Variants in KCNAB2 observed in about 807,000 individuals in gnomAD.
KCNAB2 encodes the protein potassium voltage-gated channel subfamily A regulatory beta subunit 2.
KCNAB2 carries 29 observed loss-of-function variants against 63.6 expected under a neutral mutation model. That is an observed-to-expected ratio of 0.46 (90% CI 0.34 to 0.62). KCNAB2 has a LOEUF of 0.62. Ranked by LOEUF, KCNAB2 falls within the 20% of genes least tolerant of loss-of-function variation. The probability of loss-of-function intolerance (pLI) is 0.01; values close to 1 mark genes in which losing one functional copy is unlikely to be tolerated. For synonymous variants in KCNAB2, 222 were observed against 224.2 expected (o/e 0.99, Z 0.09); for missense variants, 359 against 563.9 (o/e 0.64, Z 3.68).
intron 5 of KCNAB2, among the ~76,000 whole-genome samples, chr1:6,082,869 C>T (rs11583918): frequency 0.045 from 6,906 of 152,318 alleles, 203 homozygotes; most frequent in Non-Finnish European, 0.069. Flanking sequence ...CCTTCTGCCC[C>T]CCTCCTGCCT....
chr1:6,040,657 C>T, intron 2 of KCNAB2: 2 of 1,573,510 alleles, frequency 1.3e-6, no homozygotes, highest in Non-Finnish European at 1.7e-6. Flanking sequence ...TGACCCCCTG[C>T]CCCCTCACCC....
At position 6,046,055 on chromosome 1, in the gene KCNAB2, T is replaced by C; in HGVS notation, c.-155T>C. On this transcript the variant is annotated 5_prime_UTR_variant, in exon 1 of 16. Coordinates refer to ENST00000378083, the MANE Select transcript of KCNAB2 (RefSeq NM_001199862.2). ...TGGTGGGACTCATCTCATTCACCAA[T>C]TGCTTCTGACGTCCTGCAGTGACAC... 1.0e-6 allele frequency: 1 copy of C among 985,428 alleles called. No homozygotes were observed. The highest frequency in any genetic ancestry group is 1.2e-6 in the Non-Finnish European group (1 of 829,926). The allele number at this position is 985,428 out of a possible 1,614,324, so 61.0% of individuals were successfully genotyped here.
intron 1 of KCNAB2, among the ~76,000 whole-genome samples, chr1:5,996,644 G>T (rs1656955815): frequency 6.6e-6 from 1 of 152,250 alleles, no homozygotes; most frequent in Non-Finnish European, 1.5e-5. Context: ...AGAGCTAACT[G>T]CTTTGACGCC....
chr1:6,013,723 C>T (rs1401611628), intron 1 of KCNAB2, among the ~76,000 whole-genome samples: 1 of 152,136 alleles, frequency 6.6e-6, no homozygotes, highest in Non-Finnish European at 1.5e-5. Flanking sequence ...CCACTGGTCA[C>T]CTCTGTCTCC....
rs1203499171 is a variant in KCNAB2, at chr1:6,098,851, G to C, written c.*277G>C. The C allele has an allele frequency of 3.1e-6, 1 of 326,924 alleles. No individual in the cohort carries two copies. Among genetic ancestry groups the C allele is most frequent in the Non-Finnish European group, 5.6e-6 (1 of 178,202 alleles). The allele number at this position is 326,924 out of a possible 1,614,324, so 20.3% of individuals were successfully genotyped here. A position where few individuals can be genotyped will look rare whatever the true frequency, so the allele number is the denominator to read the frequency against. On this transcript the variant is annotated 3_prime_UTR_variant, in exon 16 of 16. Transcript: ENST00000378083. ...CCTGTCACCTCTGCTCATCCTCCAA[G>C]ACCACCCAGCTTTCTCCCAGCCACA...
At chr1:6,054,284 A>G (rs1229940995) in intron 2 of KCNAB2, among the ~76,000 whole-genome samples, 1 of 152,156 alleles carries the variant, frequency 6.6e-6, no homozygotes, top group Non-Finnish European at 1.5e-5. Context: ...GGTTCCTGGC[A>G]TCTTGAACAA....
rs1663002483 is a variant in KCNAB2, at chr1:6,069,259, G to A, written c.219-3496G>A. Reference sequence around the variant, plus strand: ...TCCGCAACCAGCTAGCCAAGGCCACGGTGCTTGCCCTTCACCTGATCACAG... The same window carrying A: ...TCCGCAACCAGCTAGCCAAGGCCACAGTGCTTGCCCTTCACCTGATCACAG... On this transcript the variant is annotated intron_variant, in intron 2 of 15. Coordinates refer to ENST00000378083, the MANE Select transcript of KCNAB2 (RefSeq NM_001199862.2). The surrounding 1 kb of genome is among the most constrained non-coding windows in gnomAD (Gnocchi z 5.4). Among the ~76,000 whole-genome samples the A allele has an allele frequency of 1.3e-5, 2 of 152,190 alleles. No homozygotes were observed. Among genetic ancestry groups the A allele is most frequent in the South Asian group, 2.1e-4 (1 of 4,832 alleles).
intron 2 of KCNAB2, among the ~76,000 whole-genome samples, chr1:6,059,585 C>A (rs912099743): frequency 6.6e-6 from 1 of 152,170 alleles, no homozygotes; most frequent in Admixed American, 6.5e-5. Flanking sequence ...GGGAGCACCA[C>A]CCATGTGCTG....
chr1:6,078,140 G>A lies in KCNAB2; in HGVS notation c.301-4055G>A, dbSNP rs919001689. ...CTTCCCAGCCTCTTCAGCGTCTGGC[G>A]CTGCTGGCCTTCCTTGGCCTGTGCC... On this transcript the variant is annotated intron_variant, in intron 4 of 15. Coordinates refer to ENST00000378083, the MANE Select transcript of KCNAB2 (RefSeq NM_001199862.2). The surrounding 1 kb of genome is among the most constrained non-coding windows in gnomAD (Gnocchi z 4.2). 1.7e-4 allele frequency among the ~76,000 whole-genome samples: 26 copies of A among 152,170 alleles called. No individual in the cohort carries two copies. The highest frequency in any genetic ancestry group is 9.8e-4 in the Admixed American group (15 of 15,276).
In KCNAB2 at chr1:6,078,402, A is replaced by G. The variant is rs1485371072; in HGVS notation, c.301-3793A>G. ...GACGTGATACCTTTGGAGAACCATT[A>G]TTTAGTTGACTGCAGAGAAGAAAGT... On this transcript the variant is annotated intron_variant, in intron 4 of 15. Transcript: ENST00000378083. The surrounding 1 kb of genome is among the most constrained non-coding windows in gnomAD (Gnocchi z 4.2). 1.3e-5 allele frequency among the ~76,000 whole-genome samples: 2 copies of G among 149,968 alleles called. No individual in the cohort carries two copies. Among genetic ancestry groups the G allele is most frequent in the Non-Finnish European group, 3.0e-5 (2 of 67,722 alleles).
At chr1:6,063,463 G>A (rs1405385887) in intron 2 of KCNAB2, among the ~76,000 whole-genome samples, 1 of 148,290 alleles carries the variant, frequency 6.7e-6, no homozygotes, top group Non-Finnish European at 1.5e-5. Flanking sequence ...AGGCTGGAGT[G>A]CAGTGGCATG....
At chr1:6,017,360 G>A (rs962635387) in intron 1 of KCNAB2, among the ~76,000 whole-genome samples, 2 of 151,832 alleles carry the variant, frequency 1.3e-5, no homozygotes, top group Non-Finnish European at 2.9e-5. Context: ...CTCCCATCTC[G>A]GCCTCCCAGG....
At chr1:5,996,997 C>T (rs1282521964) in intron 1 of KCNAB2, among the ~76,000 whole-genome samples, 1 of 152,228 alleles carries the variant, frequency 6.6e-6, no homozygotes, top group South Asian at 2.1e-4. Flanking sequence ...CTCTCTGAGT[C>T]TCTGGCTCTC....
At chr1:6,022,097 G>A (rs114074595) in intron 1 of KCNAB2, among the ~76,000 whole-genome samples, 3,078 of 152,110 alleles carry the variant, frequency 0.02, 113 homozygotes, top group South Asian at 0.019. Context: ...CAGTTCAGTG[G>A]TATTAGGTGT....
intron 1 of KCNAB2, among the ~76,000 whole-genome samples, chr1:5,996,716 A>G (rs1442173435): frequency 6.6e-6 from 1 of 152,192 alleles, no homozygotes; most frequent in East Asian, 1.9e-4. Flanking sequence ...GGTGGGGACC[A>G]CCTTCCTGGC....
At chr1:6,085,502 C>G (rs540985324) in intron 6 of KCNAB2, among the ~76,000 whole-genome samples, 2 of 152,168 alleles carry the variant, frequency 1.3e-5, no homozygotes, top group Non-Finnish European at 2.9e-5. Context: ...CCCAACTCAT[C>G]CACAGAGACC....
intron 5 of KCNAB2, among the ~76,000 whole-genome samples, chr1:6,085,000 G>A (rs1383405545): frequency 1.3e-5 from 2 of 152,156 alleles, no homozygotes; most frequent in African/African-American, 2.4e-5. Flanking sequence ...CATCCTAGTG[G>A]GGGGCAATAA....
At chr1:6,007,506 A>ACCTCTGCGCCT (rs1657880524) in intron 1 of KCNAB2, 2 of 58,914 alleles carry the variant, frequency 3.4e-5, no homozygotes, top group South Asian at 1.2e-3. Flanking sequence ...GAGCCGCGCC[A>ACCTCTGCGCCT]CCTCTGCGCC....
At chr1:5,999,698 G>A (rs962397679) in intron 1 of KCNAB2, among the ~76,000 whole-genome samples, 3 of 152,014 alleles carry the variant, frequency 2.0e-5, no homozygotes, top group Non-Finnish European at 2.9e-5. Flanking sequence ...GCTTGCCCAC[G>A]GCAGAGGAGG....
Sources: gnomAD v4.1 joint callset for allele counts (sites outside exome capture counted in the v4.1 genomes callset) on GRCh38, gnomAD v4.1.1 for gene constraint, Gnocchi (gnomAD v3.1) non-coding constraint, MANE v1.5 for transcripts, NCBI Gene and HGNC (gene_info 2026-07-23, HGNC 2026-07-21) for gene names.